Variants in PKIG observed in about 807,000 individuals in gnomAD.
The protein encoded by PKIG is protein kinase (cAMP-dependent, catalytic) inhibitor gamma.
Under a neutral mutation model 6.8 loss-of-function variants are expected in PKIG, and 1 was observed. That is an observed-to-expected ratio of 0.15 (90% CI 0.05 to 0.69). PKIG has a LOEUF of 0.69. PKIG is among the 30% of genes least tolerant of loss of function. The pLI, the probability that PKIG is intolerant of heterozygous loss-of-function variation, is 0.82. For missense variants in PKIG, 77 were observed against 104.0 expected (o/e 0.74, Z 1.13); for synonymous variants, 39 against 43.0 (o/e 0.91, Z 0.36).
At position 44,555,476 on chromosome 20, in the gene PKIG, A is replaced by G. The variant is rs75232417; in HGVS notation, c.-241+23498A>G. Among the ~76,000 whole-genome samples, 297 of 152,318 alleles carry G rather than the reference A, an allele frequency of 1.9e-3. 2 individuals carry two copies. The highest frequency in any genetic ancestry group is 6.8e-3 in the African/African-American group (284 of 41,572). ...TTAAACTAAATCCTTCTAAATATCCAAACTACCATGTATCTTTCTGTGTCT... is the reference window on the plus strand; with the variant it reads ...TTAAACTAAATCCTTCTAAATATCCGAACTACCATGTATCTTTCTGTGTCT... On this transcript the variant is annotated intron_variant, in intron 1 of 4. Coordinates refer to the PKIG transcript ENST00000372887.
chr20:44,601,513 C>T (rs1389011224), intron 2 of PKIG, among the ~76,000 whole-genome samples: 4 of 152,238 alleles, frequency 2.6e-5, no homozygotes, highest in Non-Finnish European at 5.9e-5. Flanking sequence ...TCTGAGTTTT[C>T]TGTTGGCCTC....
At chr20:44,615,800 G>T (rs1438148339) in intron 3 of PKIG, among the ~76,000 whole-genome samples, 1 of 152,156 alleles carries the variant, frequency 6.6e-6, no homozygotes, top group Non-Finnish European at 1.5e-5. Context: ...AGACTTTGCC[G>T]GGGCTTGGAC....
chr20:44,591,439 TGA>T (rs942387029), intron 2 of PKIG, among the ~76,000 whole-genome samples: 17 of 152,098 alleles, frequency 1.1e-4, no homozygotes, highest in African/African-American at 4.1e-4. Flanking sequence ...GGTAAGGGAC[TGA>T]GAGAGTTCTA....
At chr20:44,567,203 C>T (rs1157954517) in intron 1 of PKIG, among the ~76,000 whole-genome samples, 1 of 152,164 alleles carries the variant, frequency 6.6e-6, no homozygotes, top group Non-Finnish European at 1.5e-5. Context: ...TGGGGAAAGC[C>T]ATCTAACTAC....
intron 1 of PKIG, among the ~76,000 whole-genome samples, chr20:44,545,350 A>G (rs1364738069): frequency 6.6e-6 from 1 of 152,224 alleles, no homozygotes; most frequent in Non-Finnish European, 1.5e-5. Context: ...TGATTACAAA[A>G]TAATTAAATA....
At chr20:44,550,907 C>T (rs2064661866) in intron 1 of PKIG, among the ~76,000 whole-genome samples, 1 of 152,068 alleles carries the variant, frequency 6.6e-6, no homozygotes, top group South Asian at 2.1e-4. Context: ...AACAAGAGTA[C>T]AATGAGCACC....
chr20:44,611,052 CTTTT>C (rs537375490), intron 2 of PKIG, among the ~76,000 whole-genome samples: 7 of 132,874 alleles, frequency 5.3e-5, no homozygotes, highest in Non-Finnish European at 1.1e-4. Flanking sequence ...TATAGAATGC[CTTTT>C]TTTTTTTTTT....
chr20:44,609,418 C>T (rs1376214612), intron 2 of PKIG, among the ~76,000 whole-genome samples: 1 of 152,208 alleles, frequency 6.6e-6, no homozygotes, highest in Admixed American at 6.5e-5. Flanking sequence ...AGAACACCTG[C>T]ACAGCACTCC....
chr20:44,581,971 G>C (rs1319241448), upstream of PKIG, among the ~76,000 whole-genome samples: 1 of 152,210 alleles, frequency 6.6e-6, no homozygotes, highest in Non-Finnish European at 1.5e-5. Context: ...AGAGGGATGT[G>C]ACTTGCTTGA....
At position 44,603,341 on chromosome 20, in the gene PKIG, C is replaced by G. The variant is rs532507199; in HGVS notation, c.-23-11193C>G. On this transcript the variant is annotated intron_variant, in intron 2 of 3. Transcript: ENST00000372886. ...CTTACATTCCCCATCACTTACTACA[C>G]TTTTTGCATCACCATCTTATTGAAT... is the stretch of plus-strand genomic sequence containing the variant. Among the ~76,000 whole-genome samples, 403 of 152,296 alleles carry G rather than the reference C, an allele frequency of 2.6e-3. 1 individual carries two copies. Among genetic ancestry groups the G allele is most frequent in the Non-Finnish European group, 4.5e-3 (306 of 68,016 alleles).
intron 1 of PKIG, among the ~76,000 whole-genome samples, chr20:44,571,658 A>G (rs1455675139): frequency 6.6e-6 from 1 of 152,262 alleles, no homozygotes; most frequent in East Asian, 1.9e-4. Flanking sequence ...GATTCAGAAC[A>G]GCAATGCTTT....
At chr20:44,537,239 G>C (rs375137353) in intron 1 of PKIG, among the ~76,000 whole-genome samples, 1 of 152,142 alleles carries the variant, frequency 6.6e-6, no homozygotes, top group South Asian at 2.1e-4. Context: ...TGAGTAGCTG[G>C]GATTACAGGC....
chr20:44,565,086 G>A (rs992650093), intron 1 of PKIG, among the ~76,000 whole-genome samples: 3 of 152,182 alleles, frequency 2.0e-5, no homozygotes, highest in Non-Finnish European at 4.4e-5. Context: ...GGGCGCTTAT[G>A]AAAATATTTT....
intron 1 of PKIG, among the ~76,000 whole-genome samples, chr20:44,549,340 T>G (rs1470379427): frequency 6.6e-6 from 1 of 152,224 alleles, no homozygotes; most frequent in Non-Finnish European, 1.5e-5. Context: ...CAGTGACATA[T>G]GAACTGTTCG....
At chr20:44,599,636 C>T (rs1282146743) in intron 2 of PKIG, among the ~76,000 whole-genome samples, 2 of 152,066 alleles carry the variant, frequency 1.3e-5, no homozygotes, top group African/African-American at 2.4e-5. Flanking sequence ...GCAGGAGAAT[C>T]GCTTGAACCT....
intron 2 of PKIG, among the ~76,000 whole-genome samples, chr20:44,598,111 G>T (rs181682471): frequency 6.6e-6 from 1 of 152,292 alleles, no homozygotes; most frequent in East Asian, 1.9e-4. Context: ...CTGAAGGCTG[G>T]CCGGCTGCTG....
chr20:44,557,966 C>T (rs2064729660), intron 1 of PKIG, among the ~76,000 whole-genome samples: 1 of 152,168 alleles, frequency 6.6e-6, no homozygotes, highest in African/African-American at 2.4e-5. Flanking sequence ...GACTAGGAAC[C>T]TCACTATTTC....
At position 44,567,714 on chromosome 20, in the gene PKIG, C is replaced by T. The variant is rs57768367; in HGVS notation, c.-240-14871C>T. On this transcript the variant is annotated intron_variant, in intron 1 of 4. Coordinates refer to the PKIG transcript ENST00000372887. ...CCAGTGCCGGGCACAGGCTGGGCAGCACACCTTCTGGGCCAGGCCCAGGAT... is the reference window on the plus strand; with the variant it reads ...CCAGTGCCGGGCACAGGCTGGGCAGTACACCTTCTGGGCCAGGCCCAGGAT... Among the ~76,000 whole-genome samples, 1,035 of 152,310 alleles carry T rather than the reference C, an allele frequency of 6.8e-3. 18 individuals are homozygous for T. Among genetic ancestry groups the T allele is most frequent in the African/African-American group, 0.023 (970 of 41,572 alleles).
chr20:44,552,798 T>G (rs2079149761), intron 1 of PKIG, among the ~76,000 whole-genome samples: 1 of 152,114 alleles, frequency 6.6e-6, no homozygotes, highest in African/African-American at 2.4e-5. Flanking sequence ...AGTCATTCCT[T>G]TAGGTCACTT....
Sources: allele counts gnomAD v4.1 joint callset (sites outside exome capture counted in the v4.1 genomes callset), GRCh38; gene constraint gnomAD v4.1.1; transcripts MANE v1.5; gene names NCBI Gene and HGNC (gene_info 2026-07-23, HGNC 2026-07-21).